The following MCTP1 variants were observed in gnomAD, a reference collection of about 807,000 sequenced individuals.
The protein encoded by MCTP1 is multiple C2 and transmembrane domain containing 1.
MCTP1 carries 69 observed loss-of-function variants against 120.6 expected under a neutral mutation model. The ratio of observed to expected loss-of-function variants is 0.57; its 90% CI spans 0.47 to 0.70. The LOEUF (loss-of-function observed/expected upper bound fraction) is 0.70. Ranked by LOEUF, MCTP1 falls within the 30% of genes least tolerant of loss-of-function variation. The pLI is 0.00. For synonymous variants in MCTP1, 529 were observed against 493.1 expected (o/e 1.07, Z -0.96); for missense variants, 1,203 against 1,248.8 (o/e 0.96, Z 0.55).
Position 94,846,314 on chromosome 5 carries a change from C to T in MCTP1, c.2436+22019G>A, listed in dbSNP as rs111302062. Among the ~76,000 whole-genome samples, 1,043 of 152,230 alleles carry T rather than the reference C, an allele frequency of 6.9e-3. 7 individuals are homozygous for T. Among genetic ancestry groups the T allele is most frequent in the Non-Finnish European group, 0.013 (861 of 68,004 alleles). ...AGTACATACACAGCATGGAATACTA[C>T]GCATCCATACAAAGAATGAGATCAG... On this transcript the variant is annotated intron_variant, in intron 17 of 22. Transcript: ENST00000515393.
At chr5:94,791,190 T>C (rs1474632997) in intron 18 of MCTP1, among the ~76,000 whole-genome samples, 1 of 149,382 alleles carries the variant, frequency 6.7e-6, no homozygotes, top group African/African-American at 2.5e-5. Flanking sequence ...TCCCAGCTAC[T>C]AGAAGGCTGA....
intron 10 of MCTP1, among the ~76,000 whole-genome samples, chr5:94,908,627 A>T (rs1561840036): frequency 1.3e-5 from 2 of 151,922 alleles, no homozygotes; most frequent in Non-Finnish European, 2.9e-5. Flanking sequence ...TATAACTATC[A>T]AAAAATATAA....
rs1283108780 is a variant in MCTP1, at chr5:94,871,335, C to T, written c.2119G>A (p.Val707Ile). 16 of 1,610,044 alleles carry T rather than the reference C, an allele frequency of 9.9e-6. No individual in the cohort carries two copies. Among genetic ancestry groups the T allele is most frequent in the African/African-American group, 4.0e-5 (3 of 74,586 alleles). Reference protein sequence around the residue: ...RDRSADFLGKVAIPLLSIQNG... With the variant: ...RDRSADFLGKIAIPLLSIQNG... Reference sequence around the variant, plus strand: ...CTTACAGACAGCAATGGTATAGCAACTTTGCCCAGAAAGTCAGCACTTCGA... The same window carrying T: ...CTTACAGACAGCAATGGTATAGCAATTTTGCCCAGAAAGTCAGCACTTCGA... Residue 707 changes from valine (V) to isoleucine (I), a missense_variant, in exon 14 of 23, where the codon GTT becomes ATT. Transcript: ENST00000515393.
intron 12 of MCTP1, among the ~76,000 whole-genome samples, chr5:94,887,980 T>G (rs190857202): frequency 7.3e-4 from 111 of 152,354 alleles, no homozygotes; most frequent in Middle Eastern, 3.4e-3. Context: ...GTTTGTTACC[T>G]CATTAGGATT....
chr5:94,991,914 A>G (rs1479091197), intron 2 of MCTP1, among the ~76,000 whole-genome samples: 1 of 152,164 alleles, frequency 6.6e-6, no homozygotes, highest in Non-Finnish European at 1.5e-5. Context: ...ACAAACAAAT[A>G]CATGAATGAA....
intron 1 of MCTP1, among the ~76,000 whole-genome samples, chr5:95,162,599 A>G (rs1197577415): frequency 6.6e-6 from 1 of 152,242 alleles, no homozygotes; most frequent in Non-Finnish European, 1.5e-5. Flanking sequence ...TTATATTGCC[A>G]TCAGACATTT....
chr5:94,761,363 G>T (rs1372829485), intron 19 of MCTP1, among the ~76,000 whole-genome samples: 1 of 152,168 alleles, frequency 6.6e-6, no homozygotes, highest in Non-Finnish European at 1.5e-5. Context: ...GAAATTTTTG[G>T]ATGGAATTCT....
At chr5:95,031,789 T>A (rs534676084) in intron 1 of MCTP1, among the ~76,000 whole-genome samples, 2 of 152,066 alleles carry the variant, frequency 1.3e-5, no homozygotes, top group African/African-American at 4.8e-5. Flanking sequence ...TAAAAAGACA[T>A]AGAGTGGCAA....
rs1479938593 is a variant in MCTP1 at position 95,017,454 on chromosome 5, C to T, written c.751G>A (p.Ala251Thr). The T allele has an allele frequency of 6.2e-7, 1 of 1,609,250 alleles. No individual in the cohort carries two copies. Among genetic ancestry groups the T allele is most frequent in the Non-Finnish European group, 8.5e-7 (1 of 1,177,000 alleles). ...CCGGGATCAGCCAAGGGGACTTCTG[C>T]ATTACTGGTTCCAGCAGTGTTTATT... The part of the protein sequence containing the change: ...KIINTAGTSN[A>T]EVPLADPGMY... The change falls in exon 2 of 23, where the codon GCA (alanine) becomes ACA (threonine). Residue 251 changes from alanine (A) to threonine (T), a missense_variant. Physicochemically the swap from Ala to Thr is moderately conservative, Grantham distance 58 (BLOSUM62 0). Transcript: ENST00000515393.
intron 1 of MCTP1, among the ~76,000 whole-genome samples, chr5:95,029,905 T>C (rs1439147377): frequency 6.6e-6 from 1 of 152,154 alleles, no homozygotes; most frequent in Non-Finnish European, 1.5e-5. Context: ...CCCACAAATA[T>C]ACACCACAAC....
intron 2 of MCTP1, among the ~76,000 whole-genome samples, chr5:94,981,651 G>A (rs1317150185): frequency 6.6e-6 from 1 of 152,144 alleles, no homozygotes; most frequent in African/African-American, 2.4e-5. Context: ...TAAAGGCGTG[G>A]TGGTCAGAGG....
At chr5:95,155,661 G>A (rs1226895116) in intron 1 of MCTP1, among the ~76,000 whole-genome samples, 2 of 152,072 alleles carry the variant, frequency 1.3e-5, no homozygotes, top group African/African-American at 4.8e-5. Context: ...ACACAAGATG[G>A]CTAGAAGCCA....
At chr5:95,210,264 G>A (rs1291297133) in intron 1 of MCTP1, among the ~76,000 whole-genome samples, 1 of 152,080 alleles carries the variant, frequency 6.6e-6, no homozygotes, top group Admixed American at 6.6e-5. Flanking sequence ...GTCTAATGTT[G>A]ACAGTGGGGT....
chr5:95,135,743 T>C (rs1232607553), intron 1 of MCTP1, among the ~76,000 whole-genome samples: 1 of 152,258 alleles, frequency 6.6e-6, no homozygotes, highest in Non-Finnish European at 1.5e-5. Flanking sequence ...TGGGACATTG[T>C]GTTTGTGTAA....
rs150008410 is a variant in MCTP1 at position 95,181,229 on chromosome 5, T to G, written c.720+102627A>C. 3.6e-3 allele frequency among the ~76,000 whole-genome samples: 554 copies of G among 152,324 alleles called. 1 individual carries two copies. The highest frequency in any genetic ancestry group is 0.013 in the African/African-American group (530 of 41,578). On this transcript the variant is annotated intron_variant, in intron 1 of 22. Transcript: ENST00000515393. Reference sequence around the variant, plus strand: ...CACACAAAGTATAAAATCCAAACTCTTTACCACAGCCTACAAGGGCTCCTG... The same window carrying G: ...CACACAAAGTATAAAATCCAAACTCGTTACCACAGCCTACAAGGGCTCCTG...
At chr5:95,098,275 G>A (rs772043589) in intron 1 of MCTP1, among the ~76,000 whole-genome samples, 14 of 152,168 alleles carry the variant, frequency 9.2e-5, no homozygotes, top group Non-Finnish European at 1.5e-4. Context: ...TTGTGGGGTA[G>A]GGGTGAGCTG....
chr5:94,753,903 AG>A (rs1281320286), intron 19 of MCTP1, among the ~76,000 whole-genome samples: 2 of 152,216 alleles, frequency 1.3e-5, no homozygotes, highest in Non-Finnish European at 2.9e-5. Context: ...CCAGGAGAAA[AG>A]CAGTATCTGA....
At chr5:95,280,592 C>CA (rs1760233965) in intron 1 of MCTP1, among the ~76,000 whole-genome samples, 1 of 152,102 alleles carries the variant, frequency 6.6e-6, no homozygotes, top group Non-Finnish European at 1.5e-5. Flanking sequence ...AAATGAAATG[C>CA]ATCTGGTATG....
At chr5:94,832,609 AACACACACACACACAC>A (rs59233492) in intron 17 of MCTP1, among the ~76,000 whole-genome samples, 2,688 of 147,226 alleles carry the variant, frequency 0.018, 83 homozygotes, top group African/African-American at 0.065. Flanking sequence ...GGGCTAGCTG[AACACACACACACACAC>A]ACACACACAC....
Sources: gnomAD v4.1 joint callset for allele counts (sites outside exome capture counted in the v4.1 genomes callset) on GRCh38, gnomAD v4.1.1 for gene constraint, MANE v1.5 for transcripts, NCBI Gene and HGNC (gene_info 2026-07-23, HGNC 2026-07-21) for gene names.